Variants in SYNE2 observed in about 807,000 individuals in gnomAD.
The protein encoded by SYNE2 is spectrin repeat containing nuclear envelope protein 2.
In SYNE2, 431 loss-of-function variants were observed where a neutral mutation model predicts 856.3. The observed-to-expected ratio is 0.50, with a 90% CI of 0.47 to 0.55. The LOEUF is 0.55. Ranked by LOEUF, SYNE2 falls within the 20% of genes least tolerant of loss-of-function variation. The pLI is 0.00. For missense variants in SYNE2, 8,129 were observed against 8,023.2 expected, an observed-to-expected ratio of 1.01 and a Z score of -0.50; for synonymous variants, 2,923 against 2,872.3, an observed-to-expected ratio of 1.02 and a Z score of -0.56.
chr14:64,223,516 C>G (rs897941421), intron 113 of SYNE2, 136 bp downstream of exon 113: 6 of 856,858 alleles, frequency 7.0e-6, no homozygotes, highest in Middle Eastern at 3.3e-4. Context: ...ATGTCGTGCC[C>G]TTTTTCTAGC....
intron 98 of SYNE2, 47 bp from the exon 99 acceptor site, chr14:64,190,024 G>A (rs1172968350): frequency 1.3e-6 from 2 of 1,575,240 alleles, no homozygotes; most frequent in African/African-American, 2.7e-5. Context: ...GAGAAGAAAT[G>A]AGTTTGGGCT....
chr14:64,143,649 T>A, intron 82 of SYNE2, 123 bp from the exon 83 acceptor site: 1 of 1,006,318 alleles, frequency 9.9e-7, no homozygotes, highest in Non-Finnish European at 1.6e-6. Flanking sequence ...AGAACAGAAC[T>A]CCTGACAGGT....
At chr14:63,885,845 GT>G (rs2094971279) in intron 1 of SYNE2, among the ~76,000 whole-genome samples, 1 of 152,194 alleles carries the variant, frequency 6.6e-6, no homozygotes, top group Admixed American at 6.5e-5. Context: ...TGTGTGCCAG[GT>G]TTTCGGTTAG....
Position 64,024,253 on chromosome 14 carries a change from G to A in SYNE2, c.5638-4G>A. On this transcript the variant is annotated splice_polypyrimidine_tract_variant and splice_region_variant and intron_variant, in intron 38 of 115. Coordinates refer to ENST00000555002, the MANE Select transcript of SYNE2 (RefSeq NM_182914.3). ...ATTGTAATGGACTTTTTGTCTTTCTGAAGGATTTCTTGACTCTTGAAGGAA... is the reference window on the plus strand; with the variant it reads ...ATTGTAATGGACTTTTTGTCTTTCTAAAGGATTTCTTGACTCTTGAAGGAA... The A allele has an allele frequency of 1.2e-6, 2 of 1,613,686 alleles. No homozygotes were observed. The highest frequency in any genetic ancestry group is 1.3e-5 in the African/African-American group (1 of 75,014).
At chr14:63,803,815 C>T (rs1888256022) in intron 1 of SYNE2, among the ~76,000 whole-genome samples, 1 of 152,208 alleles carries the variant, frequency 6.6e-6, no homozygotes, top group African/African-American at 2.4e-5. Context: ...TGCCAGCATG[C>T]TGTCACCTCT....
intron 1 of SYNE2, among the ~76,000 whole-genome samples, chr14:63,822,393 T>G (rs1408412168): frequency 1.3e-5 from 2 of 152,172 alleles, no homozygotes; most frequent in Non-Finnish European, 2.9e-5. Context: ...AAATCTCCAT[T>G]CCCAAGGCCT....
At chr14:64,098,630 T>C in intron 62 of SYNE2, 117 bp from the exon 63 acceptor site, 1 of 980,272 alleles carries the variant, frequency 1.0e-6, no homozygotes, top group Non-Finnish European at 1.6e-6. Context: ...CTTGTGGGGG[T>C]GGGCATCTTG....
At chr14:64,096,991 A>C (rs1355885887) in intron 61 of SYNE2, among the ~76,000 whole-genome samples, 4 of 152,208 alleles carry the variant, frequency 2.6e-5, no homozygotes, top group African/African-American at 9.6e-5. Context: ...TGCAGTACTC[A>C]CTTCAGGAGC....
At chr14:63,985,738 G>T (rs2096620606) in intron 18 of SYNE2, among the ~76,000 whole-genome samples, 1 of 152,196 alleles carries the variant, frequency 6.6e-6, no homozygotes, top group South Asian at 2.1e-4. Flanking sequence ...TCATTGGCCA[G>T]GCATAGTGTC....
chr14:63,762,094 T>G, intron 1 of SYNE2: 1 of 473,168 alleles, frequency 2.1e-6, no homozygotes, highest in Non-Finnish European at 4.3e-6. Flanking sequence ...TCAATGAATT[T>G]TTGTTGAAAA....
At chr14:63,831,270 G>C (rs1348061395) in intron 1 of SYNE2, among the ~76,000 whole-genome samples, 6 of 152,104 alleles carry the variant, frequency 3.9e-5, no homozygotes. Context: ...TTTTGTTTGT[G>C]TTGTCTTCAC....
At chr14:64,218,318 G>A in intron 108 of SYNE2, 80 bp from the exon 109 acceptor site, 1 of 1,297,570 alleles carries the variant, frequency 7.7e-7, no homozygotes, top group South Asian at 1.2e-5. Context: ...TTTCTTCACT[G>A]TTAATATGAA....
chr14:63,999,444 T>C (rs951223399), intron 27 of SYNE2, among the ~76,000 whole-genome samples: 1 of 152,240 alleles, frequency 6.6e-6, no homozygotes, highest in African/African-American at 2.4e-5. Flanking sequence ...GTTTCAGTCC[T>C]TCATCATCTT....
chr14:64,206,071 C>G (rs1160930894), intron 100 of SYNE2, among the ~76,000 whole-genome samples: 1 of 152,196 alleles, frequency 6.6e-6, no homozygotes, highest in African/African-American at 2.4e-5. Context: ...TCCTCAGCCA[C>G]CCTTACCTTC....
chr14:64,143,092 G>A (rs939394113), intron 82 of SYNE2, among the ~76,000 whole-genome samples: 3 of 152,102 alleles, frequency 2.0e-5, no homozygotes, highest in Non-Finnish European at 2.9e-5. Flanking sequence ...TAAAATCTTC[G>A]AAAAGTCTAC....
At chr14:63,919,545 C>T (rs1046208909) in intron 2 of SYNE2, among the ~76,000 whole-genome samples, 5 of 152,068 alleles carry the variant, frequency 3.3e-5, no homozygotes, top group Admixed American at 6.6e-5. Flanking sequence ...TGAATGAGAT[C>T]ACCTTTGGAG....
At chr14:63,973,724 A>C (rs945367644) in intron 11 of SYNE2, among the ~76,000 whole-genome samples, 2 of 152,174 alleles carry the variant, frequency 1.3e-5, no homozygotes, top group Non-Finnish European at 2.9e-5. Context: ...AAGCAAAACA[A>C]AATGGAAAAA....
chr14:63,803,505 C>T (rs910759583), intron 1 of SYNE2, among the ~76,000 whole-genome samples: 2 of 152,198 alleles, frequency 1.3e-5, no homozygotes, highest in Non-Finnish European at 2.9e-5. Context: ...GCCACTGGTC[C>T]GGGTGCTAAG....
intron 64 of SYNE2, among the ~76,000 whole-genome samples, chr14:64,107,117 A>G (rs557913138): frequency 2.0e-5 from 3 of 152,292 alleles, no homozygotes; most frequent in African/African-American, 7.2e-5. Flanking sequence ...GGTCTTCCAA[A>G]GTGCTGGGAT....
Sources: gnomAD v4.1 joint callset for allele counts (sites outside exome capture counted in the v4.1 genomes callset) on GRCh38, gnomAD v4.1.1 for gene constraint, MANE v1.5 for transcripts, NCBI Gene and HGNC (gene_info 2026-07-23, HGNC 2026-07-21) for gene names.